The following MED12L variants were observed in gnomAD, a reference collection of about 807,000 sequenced individuals.
MED12L encodes the protein mediator complex subunit 12L.
In MED12L, 60 loss-of-function variants were observed where a neutral mutation model predicts 281.3. That is an observed-to-expected ratio of 0.21 (90% CI 0.17 to 0.26). MED12L has a LOEUF of 0.26. Among genes scored for constraint, MED12L ranks in the 10% least tolerant of loss-of-function variants. MED12L has a pLI of 1.00. For missense variants in MED12L, 2,146 were observed against 2,680.9 expected (o/e 0.80, Z 4.41); for synonymous variants, 974 against 987.2 (o/e 0.99, Z 0.25).
At position 151,378,049 on chromosome 3, in the gene MED12L, C is replaced by A; in HGVS notation, c.4354C>A (p.Leu1452Ile). 1 of 1,610,546 alleles carries A rather than the reference C, an allele frequency of 6.2e-7. No individual in the cohort carries two copies. Among genetic ancestry groups the A allele is most frequent in the Non-Finnish European group, 8.5e-7 (1 of 1,177,932 alleles). ...CAGGGGTGTATGGTTGGTGGCCCCC[C>A]TCATCGCCAGGTTGCCAACTTCTGT... ...ERRGVWLVAP[L>I]IARLPTSVQG... Residue 1452 changes from leucine (L) to isoleucine (I), a missense_variant, in exon 31 of 45, where the codon CTC becomes ATC. By Grantham distance (5) the Leu-to-Ile change is conservative. Coordinates refer to ENST00000687756, the MANE Select transcript of MED12L (RefSeq NM_001393769.1).
chr3:151,087,335 G>A (rs1242950474), intron 2 of MED12L, among the ~76,000 whole-genome samples: 1 of 152,142 alleles, frequency 6.6e-6, no homozygotes, highest in Non-Finnish European at 1.5e-5. Flanking sequence ...GCTCTCACCC[G>A]TTTCTGCCTG....
intron 5 of MED12L, among the ~76,000 whole-genome samples, chr3:151,152,085 G>GCTTTT (rs1269821388): frequency 7.9e-5 from 5 of 63,020 alleles, no homozygotes; most frequent in African/African-American, 3.1e-4. Context: ...GTTGAAGGTG[G>GCTTTT]TTTTTTTTTT....
intron 7 of MED12L, 109 bp from the exon 8 acceptor site, chr3:151,159,723 C>A: frequency 1.8e-6 from 2 of 1,095,302 alleles, no homozygotes; most frequent in Non-Finnish European, 2.6e-6. Context: ...TGCTTTATAC[C>A]TTTGAAGTTT....
chr3:151,118,698 C>G (rs1365656835), intron 3 of MED12L, among the ~76,000 whole-genome samples: 3 of 151,092 alleles, frequency 2.0e-5, no homozygotes, highest in African/African-American at 7.3e-5. Flanking sequence ...TCCTCTCCCC[C>G]AAACCAGATC....
At chr3:151,094,167 AAAAAG>A (rs1720422810) in intron 2 of MED12L, among the ~76,000 whole-genome samples, 1 of 152,240 alleles carries the variant, frequency 6.6e-6, no homozygotes, top group Non-Finnish European at 1.5e-5. Context: ...GAGTTAAAGA[AAAAAG>A]AAAAGCAGAA....
intron 16 of MED12L, among the ~76,000 whole-genome samples, chr3:151,304,629 C>T (rs992867337): frequency 1.3e-5 from 2 of 151,800 alleles, no homozygotes; most frequent in African/African-American, 4.8e-5. Context: ...TGACCTCTAG[C>T]CAAGTATGGT....
rs111988285 is a variant in MED12L, at chr3:151,295,228, G to A, written c.2251-54831G>A. The A allele has an allele frequency of 9.7e-3, 15,227 of 1,567,816 alleles. 105 individuals carry two copies. The highest frequency in any genetic ancestry group is 0.012 in the South Asian group (1,061 of 88,856). On this transcript the variant is annotated intron_variant, in intron 16 of 44. Coordinates refer to ENST00000687756, the MANE Select transcript of MED12L (RefSeq NM_001393769.1). ...GCTCGTTATCTGTAGGAGAAGTGGG[G>A]AGATAGGACTTCAGTGCTTGGCAAG... is the stretch of plus-strand genomic sequence containing the variant.
intron 2 of MED12L, among the ~76,000 whole-genome samples, chr3:151,114,226 T>C (rs1382019308): frequency 6.6e-6 from 1 of 152,216 alleles, no homozygotes; most frequent in African/African-American, 2.4e-5. Flanking sequence ...TCTGATAATG[T>C]ACACGTAACT....
chr3:151,153,799 C>T (rs1020530111), intron 5 of MED12L, among the ~76,000 whole-genome samples: 5 of 152,022 alleles, frequency 3.3e-5, no homozygotes, highest in Admixed American at 6.6e-5. Context: ...GAACTCCTGA[C>T]CTCAGGTGAT....
chr3:151,118,309 ATC>A (rs763962633), intron 3 of MED12L, among the ~76,000 whole-genome samples: 2 of 152,128 alleles, frequency 1.3e-5, no homozygotes, highest in Non-Finnish European at 1.5e-5. Flanking sequence ...ATCATTCCAG[ATC>A]TCTCTTTATG....
chr3:151,380,064 A>G, intron 31 of MED12L, 49 bp from the exon 32 acceptor site: 1 of 1,113,720 alleles, frequency 9.0e-7, no homozygotes, highest in Non-Finnish European at 1.3e-6. Flanking sequence ...CAGAGGAAGT[A>G]ATGCATTATT....
chr3:151,341,624 T>C (rs895418505), intron 16 of MED12L, among the ~76,000 whole-genome samples: 3 of 151,996 alleles, frequency 2.0e-5, no homozygotes, highest in Middle Eastern at 3.4e-3. Context: ...ATGTGCACAA[T>C]GTGCAGGTTA....
intron 16 of MED12L, among the ~76,000 whole-genome samples, chr3:151,207,165 C>G (rs1240033363): frequency 6.6e-6 from 1 of 151,936 alleles, no homozygotes; most frequent in Non-Finnish European, 1.5e-5. Context: ...TCAAGCAATC[C>G]TGTTGCATCA....
At chr3:151,385,720 G>A (rs201265535) in intron 36 of MED12L, among the ~76,000 whole-genome samples, 622 of 58,394 alleles carry the variant, frequency 0.011, 8 homozygotes, top group African/African-American at 0.021. Context: ...CTCTGGGGGG[G>A]GAAAAAAAAA....
At position 151,224,115 on chromosome 3, in the gene MED12L, A is replaced by G. The variant is rs182067148; in HGVS notation, c.2250+30449A>G. ...TTTTTGTATATTTAAATTATTTCAT[A>G]ATTAGGAATAGAAATATCTATGGAG... is the stretch of plus-strand genomic sequence containing the variant. On this transcript the variant is annotated intron_variant, in intron 16 of 44. Coordinates refer to ENST00000687756, the MANE Select transcript of MED12L (RefSeq NM_001393769.1). Among the ~76,000 whole-genome samples the G allele has an allele frequency of 2.0e-5, 3 of 147,278 alleles. 1 individual carries two copies. The highest frequency in any genetic ancestry group is 1.5e-5 in the Non-Finnish European group (1 of 66,152).
intron 16 of MED12L, among the ~76,000 whole-genome samples, chr3:151,250,732 T>C (rs561593541): frequency 1.3e-5 from 2 of 152,344 alleles, no homozygotes; most frequent in African/African-American, 2.4e-5. Flanking sequence ...TGAAAGTGGG[T>C]ATACAAATAT....
At chr3:151,281,259 A>AG (rs1742769127) in intron 16 of MED12L, among the ~76,000 whole-genome samples, 1 of 129,128 alleles carries the variant, frequency 7.7e-6, no homozygotes, top group African/African-American at 3.0e-5. Context: ...AAAAAAAAAA[A>AG]GTTAGCTGGG....
chr3:151,385,194 AAGAG>A lies in MED12L; in HGVS notation c.5088+4_5088+7del. On this transcript the variant is annotated splice_donor_5th_base_variant and intron_variant, in intron 36 of 44. Coordinates refer to ENST00000687756, the MANE Select transcript of MED12L (RefSeq NM_001393769.1). Reference sequence around the variant, plus strand: ...TTGACTCTATAGATAAAAAACAGGCAAGAGTGAATGTTTTTTCTTATATATAAAT... The same window carrying A: ...TTGACTCTATAGATAAAAAACAGGCATGAATGTTTTTTCTTATATATAAAT... 1.5e-6 allele frequency: 2 copies of A among 1,319,060 alleles called. No individual in the cohort carries two copies. The highest frequency in any genetic ancestry group is 2.1e-6 in the Non-Finnish European group (2 of 944,234). The allele number at this position is 1,319,060 out of a possible 1,614,324, so 81.7% of individuals were successfully genotyped here. A position where few individuals can be genotyped will look rare whatever the true frequency, so the allele number is the denominator to read the frequency against.
At chr3:151,329,611 TGTGACCC>T in intron 16 of MED12L, 1 of 979,948 alleles carries the variant, frequency 1.0e-6, no homozygotes, top group Non-Finnish European at 1.6e-6. Context: ...ACTTATGTAA[TGTGACCC>T]ATTAGAACCT....
Sources: allele counts gnomAD v4.1 joint callset (sites outside exome capture counted in the v4.1 genomes callset), GRCh38; gene constraint gnomAD v4.1.1; transcripts MANE v1.5; gene names NCBI Gene and HGNC (gene_info 2026-07-23, HGNC 2026-07-21).